Variants in RFC5 observed in about 807,000 individuals in gnomAD.
The protein encoded by RFC5 is A1 36 kDa subunit.
A neutral mutation model predicts 44.3 loss-of-function variants in RFC5; 26 were observed. The observed-to-expected ratio is 0.59, with a 90% confidence interval of 0.43 to 0.81. The LOEUF (loss-of-function observed/expected upper bound fraction) is 0.81, where lower values mean the gene tolerates loss of function less well. Ranked by LOEUF, RFC5 falls within the 40% of genes least tolerant of loss-of-function variation. RFC5 has a pLI of 0.00. For missense variants in RFC5, 328 were observed against 418.6 expected (o/e 0.78, Z 1.89); for synonymous variants, 155 against 155.2 (o/e 1.00, Z 0.01).
At chr12:118,028,660 C>G (rs1463122768) in intron 9 of RFC5, among the ~76,000 whole-genome samples, 1 of 147,154 alleles carries the variant, frequency 6.8e-6, no homozygotes, top group Non-Finnish European at 1.5e-5. Context: ...AAAAAAAAGT[C>G]TGTCTATCTA....
At chr12:118,016,976 G>C (rs897012360) in intron 1 of RFC5, 84 bp downstream of exon 1, 4 of 1,125,642 alleles carry the variant, frequency 3.6e-6, no homozygotes, top group Admixed American at 3.8e-5. Flanking sequence ...GCAGGTGACC[G>C]GACCCCAACC....
At chr12:118,023,441 T>C (rs998546205) in intron 5 of RFC5, among the ~76,000 whole-genome samples, 1 of 14,106 alleles carries the variant, frequency 7.1e-5, no homozygotes, top group Non-Finnish European at 1.3e-4. Flanking sequence ...GAGGAGGGGG[T>C]GAGGAGGAGG....
At position 118,019,167 on chromosome 12, in the gene RFC5, C is replaced by T; in HGVS notation, c.130+31C>T. 1 of 1,497,244 alleles carries T rather than the reference C, an allele frequency of 6.7e-7. No individual in the cohort carries two copies. The highest frequency in any genetic ancestry group is 9.3e-7 in the Non-Finnish European group (1 of 1,074,110). The allele number at this position is 1,497,244 out of a possible 1,614,324, so 92.7% of individuals were successfully genotyped here. A position where few individuals can be genotyped will look rare whatever the true frequency, so the allele number is the denominator to read the frequency against. Reference sequence around the variant, plus strand: ...TATTCATGTGTCAGTTGCTCTTGTCCTGCTTGAGCGACTTGTATAAATTGC... The same window carrying T: ...TATTCATGTGTCAGTTGCTCTTGTCTTGCTTGAGCGACTTGTATAAATTGC... On this transcript the variant is annotated intron_variant, in intron 2 of 10. Coordinates refer to ENST00000454402, the MANE Select transcript of RFC5 (RefSeq NM_007370.7). The surrounding 1 kb of genome is among the most constrained non-coding windows in gnomAD (Gnocchi z 4.2).
intron 5 of RFC5, among the ~76,000 whole-genome samples, chr12:118,023,789 T>C (rs113006894): frequency 2.1e-5 from 3 of 145,132 alleles, no homozygotes; most frequent in African/African-American, 5.3e-5. Flanking sequence ...CTGCCAAATA[T>C]AATTTTATGT....
In RFC5 at chr12:118,031,263, T is replaced by C. The variant is rs767069950; in HGVS notation, c.1008T>C (p.Ile336=). 2.2e-5 allele frequency: 36 copies of C among 1,611,594 alleles called. No individual in the cohort carries two copies. The highest frequency in any genetic ancestry group is 2.8e-5 in the Non-Finnish European group (33 of 1,177,960). ...IAAFQVTRDL[I]VAEA ...CATTTCAAGTCACCAGAGACCTGAT[T>C]GTTGCAGAGGCCTAGATGCTCTGAG... The change falls in exon 11 of 11, where the codon ATT becomes ATC. Residue 336 remains isoleucine, a synonymous_variant. Transcript: ENST00000454402.
intron 6 of RFC5, chr12:118,025,309 G>A: frequency 2.8e-6 from 1 of 354,110 alleles, no homozygotes; most frequent in Non-Finnish European, 5.1e-6. Flanking sequence ...AGTCCCTTCT[G>A]CAAAGATGCT....
chr12:118,025,053 C>T (rs1261462806), intron 6 of RFC5, 43 bp downstream of exon 6: 24 of 1,582,518 alleles, frequency 1.5e-5, no homozygotes, highest in Non-Finnish European at 1.6e-5. Flanking sequence ...GTAGTAGAAA[C>T]AGGCTTGTGG....
At chr12:118,017,160 A>T (rs1047120312) in intron 1 of RFC5, among the ~76,000 whole-genome samples, 1 of 152,170 alleles carries the variant, frequency 6.6e-6, no homozygotes, top group Non-Finnish European at 1.5e-5. Context: ...ACCTGGTGAC[A>T]GCACAGGGGT....
intron 8 of RFC5, 74 bp downstream of exon 8, chr12:118,027,092 C>T: frequency 5.4e-6 from 8 of 1,474,894 alleles, no homozygotes; most frequent in Non-Finnish European, 7.4e-6. Flanking sequence ...AGCCAGCACC[C>T]ACACCTTGCT....
intron 4 of RFC5, among the ~76,000 whole-genome samples, chr12:118,021,280 C>T (rs1467217234): frequency 4.6e-5 from 7 of 151,342 alleles, no homozygotes; most frequent in East Asian, 1.9e-4. Flanking sequence ...AGCATGATCT[C>T]GGCTCACTGC....
At chr12:118,033,402 C>CTGT (rs2031418862), downstream of RFC5, 1 of 152,546 alleles carries the variant, frequency 6.6e-6, no homozygotes, top group African/African-American at 2.4e-5. Flanking sequence ...ACCTTAACAT[C>CTGT]TGTTGAGAAA....
At chr12:118,034,966 T>C (rs1349937398), downstream of RFC5, 2 of 1,611,414 alleles carry the variant, frequency 1.2e-6, no homozygotes, top group African/African-American at 2.7e-5. Flanking sequence ...CACCCATCTG[T>C]TCAGCTAACA....
intron 4 of RFC5, among the ~76,000 whole-genome samples, chr12:118,021,678 C>T (rs547462731): frequency 2.0e-4 from 31 of 151,656 alleles, no homozygotes; most frequent in South Asian, 1.2e-3. Flanking sequence ...GGGTGAGGGC[C>T]GGGCGCAGTG....
Position 118,016,722 on chromosome 12 carries a change from G to A in RFC5, c.-106G>A, listed in dbSNP as rs928902131. On this transcript the variant is annotated 5_prime_UTR_variant, in exon 1 of 11. Transcript: ENST00000454402. ...TCTCGCGAGAGTTGCTTTTGCGCGC[G>A]AACTGTAAGTGCCAGGGTCTCAGGG... 1.1e-6 allele frequency: 1 copy of A among 913,490 alleles called. No individual in the cohort carries two copies. 56.6% of individuals were successfully genotyped at this position (913,490 alleles called of 1,614,324 possible).
intron 5 of RFC5, among the ~76,000 whole-genome samples, chr12:118,024,600 A>G (rs2030801627): frequency 6.6e-6 from 1 of 151,734 alleles, no homozygotes. Flanking sequence ...TAAATTTTGT[A>G]TTTTCAGTAG....
chr12:118,029,840 C>A lies in RFC5; in HGVS notation c.926+15C>A, dbSNP rs5745879. ...GCAGACATTGAGTGAGTACTTCTTG[C>A]CCCAGTTTTAATTCTTTTCTTCCTT... On this transcript the variant is annotated intron_variant, in intron 10 of 10. Coordinates refer to ENST00000454402, the MANE Select transcript of RFC5 (RefSeq NM_007370.7). 2 of 1,556,116 alleles carry A rather than the reference C, an allele frequency of 1.3e-6. No individual in the cohort carries two copies. The highest frequency in any genetic ancestry group is 1.1e-5 in the South Asian group (1 of 89,962).
chr12:118,022,493 C>G, intron 5 of RFC5, 134 bp downstream of exon 5: 2 of 624,708 alleles, frequency 3.2e-6, no homozygotes, highest in Non-Finnish European at 5.7e-6. Context: ...GAGTCAGAGT[C>G]TTGCTCTGTC....
intron 3 of RFC5, among the ~76,000 whole-genome samples, chr12:118,020,470 T>G (rs948236983): frequency 1.3e-5 from 2 of 152,248 alleles, no homozygotes; most frequent in African/African-American, 2.4e-5. Flanking sequence ...CTAATATACT[T>G]AGATTCAAAA....
intron 9 of RFC5, among the ~76,000 whole-genome samples, chr12:118,028,672 C>CT (rs1239368832): frequency 6.6e-6 from 1 of 150,556 alleles, no homozygotes; most frequent in African/African-American, 2.4e-5. Flanking sequence ...GTCTATCTAT[C>CT]TGTCTATCTA....
Sources: gnomAD v4.1 joint callset for allele counts (sites outside exome capture counted in the v4.1 genomes callset) on GRCh38, gnomAD v4.1.1 for gene constraint, Gnocchi (gnomAD v3.1) non-coding constraint, MANE v1.5 for transcripts, NCBI Gene and HGNC (gene_info 2026-07-23, HGNC 2026-07-21) for gene names.